The following BRD10 variants were observed in gnomAD, a reference collection of about 807,000 sequenced individuals.
BRD10 encodes the protein uncharacterized bromodomain-containing protein 10.
At chr9:5,933,165 T>C in the BRD10 span, among the ~76,000 whole-genome samples, 1 of 152,228 alleles carries the variant, frequency 6.6e-6, no homozygotes, top group Non-Finnish European at 1.5e-5. Flanking sequence ...ATAAGCTTTA[T>C]GCATCTAATT....
the BRD10 span, among the ~76,000 whole-genome samples, chr9:5,967,691 C>A: frequency 1.5e-5 from 1 of 67,282 alleles, no homozygotes; most frequent in East Asian, 3.1e-4. Flanking sequence ...CTGCCCTTAG[C>A]CTGAAAAAAA....
chr9:5,927,868 A>AT, the BRD10 span, among the ~76,000 whole-genome samples: 1 of 151,708 alleles, frequency 6.6e-6, no homozygotes, highest in East Asian at 1.9e-4. Context: ...ATACTAAGTG[A>AT]TTTCTACCAG....
chr9:5,924,719 G>T, the BRD10 span: 3 of 1,600,920 alleles, frequency 1.9e-6, no homozygotes, highest in South Asian at 3.4e-5. Flanking sequence ...TAGACTTACT[G>T]ATTTCTCCCT....
At chr9:5,918,639 T>C in the BRD10 span, among the ~76,000 whole-genome samples, 2 of 126,692 alleles carry the variant, frequency 1.6e-5, no homozygotes, top group Admixed American at 8.4e-5. Flanking sequence ...TTGCCGTTAG[T>C]GGCTTTTTTT....
chr9:5,920,294 G>A, the BRD10 span: 6 of 1,613,784 alleles, frequency 3.7e-6, no homozygotes, highest in African/African-American at 6.7e-5. Context: ...AAGACCTTGT[G>A]GTGGAACAAT....
the BRD10 span, among the ~76,000 whole-genome samples, chr9:5,893,478 A>G: frequency 6.6e-6 from 1 of 152,338 alleles, no homozygotes. Flanking sequence ...GCACTGAGGA[A>G]GAGTTCAGGC....
At chr9:5,906,345 A>C in the BRD10 span, among the ~76,000 whole-genome samples, 19 of 150,126 alleles carry the variant, frequency 1.3e-4, no homozygotes, top group Non-Finnish European at 2.5e-4. Context: ...AAAAAAAAGA[A>C]AAGAAAAGAA....
the BRD10 span, among the ~76,000 whole-genome samples, chr9:5,934,947 A>G: frequency 3.9e-5 from 6 of 152,222 alleles, no homozygotes; most frequent in South Asian, 4.1e-4. Context: ...ACTATATTCA[A>G]TAAGTATTCA....
At chr9:5,989,235 T>TAAAAA in the BRD10 span, among the ~76,000 whole-genome samples, 2 of 46,184 alleles carry the variant, frequency 4.3e-5, no homozygotes, top group African/African-American at 1.7e-4. Flanking sequence ...TCTGTCTCAT[T>TAAAAA]AAAAAAAAAA....
chr9:5,901,950 C>G, the BRD10 span, among the ~76,000 whole-genome samples: 1 of 152,162 alleles, frequency 6.6e-6, no homozygotes, highest in Admixed American at 6.5e-5. Flanking sequence ...CATCTGTATT[C>G]ATGAGTGATA....
the BRD10 span, chr9:5,969,534 T>G: frequency 7.7e-6 from 6 of 783,216 alleles, no homozygotes; most frequent in Non-Finnish European, 1.2e-5. Context: ...GGCAATCAAC[T>G]GTCCTAGTTT....
At chr9:5,924,713 C>T in the BRD10 span, 1 of 1,599,866 alleles carries the variant, frequency 6.3e-7, no homozygotes, top group South Asian at 1.1e-5. Flanking sequence ...AGTCTATAGA[C>T]TTACTGATTT....
At chr9:5,921,805 C>T in the BRD10 span, 1 of 1,613,968 alleles carries the variant, frequency 6.2e-7, no homozygotes, top group South Asian at 1.1e-5. Context: ...TAGAGGACTT[C>T]AAGGGAGAAG....
the BRD10 span, among the ~76,000 whole-genome samples, chr9:5,939,187 G>A: frequency 1.2e-3 from 186 of 152,118 alleles, 1 homozygote; most frequent in African/African-American, 4.3e-3. Context: ...AGTGAAAGCC[G>A]TTATTAATGT....
the BRD10 span, chr9:6,008,286 G>A: frequency 5.1e-6 from 5 of 984,780 alleles, no homozygotes; most frequent in East Asian, 1.1e-4. Flanking sequence ...TCTACCTGCG[G>A]GGGACACGGG....
At chr9:5,994,901 C>CTTTT in the BRD10 span, among the ~76,000 whole-genome samples, 6 of 141,688 alleles carry the variant, frequency 4.2e-5, no homozygotes, top group African/African-American at 1.6e-4. Flanking sequence ...TATCATTTTT[C>CTTTT]TTTTTTTTTT....
At chr9:5,879,782 C>A in the BRD10 span, among the ~76,000 whole-genome samples, 1 of 152,200 alleles carries the variant, frequency 6.6e-6, no homozygotes, top group Admixed American at 6.5e-5. Flanking sequence ...GCTTATTTAC[C>A]TGCAGAATGT....
chr9:5,926,607 C>A, the BRD10 span, among the ~76,000 whole-genome samples: 6 of 152,174 alleles, frequency 3.9e-5, no homozygotes, highest in African/African-American at 1.4e-4. Flanking sequence ...TCACAGCTCA[C>A]TGCAAGCTCC....
chr9:5,956,650 A>G, the BRD10 span, among the ~76,000 whole-genome samples: 1 of 152,198 alleles, frequency 6.6e-6, no homozygotes, highest in African/African-American at 2.4e-5. Context: ...TAGCTAAGCT[A>G]TGGTGAGAAA....
Sources: gnomAD v4.1 joint callset for allele counts (sites outside exome capture counted in the v4.1 genomes callset) on GRCh38, gnomAD v4.1.1 for gene constraint, MANE v1.5 for transcripts, NCBI Gene and HGNC (gene_info 2026-07-23, HGNC 2026-07-21) for gene names.